Variants in SELENOI observed in about 807,000 individuals in gnomAD.
SELENOI encodes the protein selenoprotein I.
A neutral mutation model predicts 50.7 loss-of-function variants in SELENOI; 24 were observed. The ratio of observed to expected loss-of-function variants is 0.47; its 90% CI spans 0.34 to 0.67. The LOEUF (loss-of-function observed/expected upper bound fraction) is 0.67. SELENOI is among the 30% of genes least tolerant of loss of function. SELENOI has a pLI of 0.01. For synonymous variants in SELENOI, 155 were observed against 170.2 expected, an observed-to-expected ratio of 0.91 and a Z score of 0.70; for missense variants, 352 against 461.4, an observed-to-expected ratio of 0.76 and a Z score of 2.17.
At chr2:26,371,331 C>A (rs559161367) in intron 4 of SELENOI, among the ~76,000 whole-genome samples, 148 of 152,206 alleles carry the variant, frequency 9.7e-4, no homozygotes, top group Admixed American at 2.9e-3. Flanking sequence ...CTCCTCACAT[C>A]CCAGACGGGG....
chr2:26,371,335 G>C (rs1304421344), intron 4 of SELENOI, among the ~76,000 whole-genome samples: 2 of 151,914 alleles, frequency 1.3e-5, no homozygotes, highest in Non-Finnish European at 2.9e-5. Flanking sequence ...TCACATCCCA[G>C]ACGGGGCGGC....
In SELENOI at chr2:26,389,254, G is replaced by A; in HGVS notation, c.*151G>A. On this transcript the variant is annotated 3_prime_UTR_variant, in exon 10 of 10. Coordinates refer to ENST00000260585, the MANE Select transcript of SELENOI (RefSeq NM_033505.4). Reference sequence around the variant, plus strand: ...AATGATACATATAATCTGAACTTGGGAAATTTTGGACCTACTAACTCTAAG... The same window carrying A: ...AATGATACATATAATCTGAACTTGGAAAATTTTGGACCTACTAACTCTAAG... The A allele has an allele frequency of 1.6e-6, 1 of 616,412 alleles. No individual in the cohort carries two copies. Among genetic ancestry groups the A allele is most frequent in the Non-Finnish European group, 2.8e-6 (1 of 359,192 alleles). 38.2% of individuals were successfully genotyped at this position (616,412 alleles called of 1,614,324 possible).
Position 26,385,099 on chromosome 2 carries a change from T to C in SELENOI, c.872T>C (p.Val291Ala). The change falls in exon 8 of 10, where the codon GTA becomes GCA. Residue 291 changes from valine to alanine, a missense_variant. Coordinates refer to ENST00000260585, the MANE Select transcript of SELENOI (RefSeq NM_033505.4). ...GATATTTTAGAGCTACATCCTAGAG[T>C]ATTCTACTTTATGGTTGGAACAGCT... ...PSDILELHPR[V>A]FYFMVGTAFA... The C allele has an allele frequency of 6.2e-7, 1 of 1,605,616 alleles. No individual in the cohort carries two copies. The highest frequency in any genetic ancestry group is 8.5e-7 in the Non-Finnish European group (1 of 1,176,166).
At chr2:26,375,262 G>T in intron 6 of SELENOI, 114 bp downstream of exon 6, 1 of 640,388 alleles carries the variant, frequency 1.6e-6, no homozygotes, top group East Asian at 2.8e-5. Context: ...CCAGGAAGCA[G>T]AACAACCCTA....
At chr2:26,370,906 G>A (rs1269200352) in intron 4 of SELENOI, among the ~76,000 whole-genome samples, 28 of 92,114 alleles carry the variant, frequency 3.0e-4, no homozygotes, top group African/African-American at 9.5e-4. Context: ...CCTCCCGGAC[G>A]GGGCGGCTGG....
intron 8 of SELENOI, 81 bp from the exon 9 acceptor site, chr2:26,386,273 G>A (rs1677840095): frequency 6.0e-6 from 8 of 1,343,792 alleles, no homozygotes; most frequent in Admixed American, 4.2e-5. Context: ...CTTTTCAAAT[G>A]TTGGAAAGAC....
In SELENOI at chr2:26,384,945, A is replaced by ATCTTT; in HGVS notation, c.732-13_732-12insCTTTT. Reference sequence around the variant, plus strand: ...GTAATAATGTTCTTTATATTACTTGATTTTTTTTTCCAGAAGCTATAAAAA... The same window carrying ATCTTT: ...GTAATAATGTTCTTTATATTACTTGATCTTTTTTTTTTTTCCAGAAGCTATAAAAA... On this transcript the variant is annotated splice_polypyrimidine_tract_variant and intron_variant, in intron 7 of 9. Coordinates refer to ENST00000260585, the MANE Select transcript of SELENOI (RefSeq NM_033505.4). 6.4e-7 allele frequency: 1 copy of ATCTTT among 1,566,382 alleles called. No individual in the cohort carries two copies. The highest frequency in any genetic ancestry group is 1.8e-5 in the Admixed American group (1 of 55,870).
At chr2:26,370,085 A>C (rs1278628594) in intron 4 of SELENOI, among the ~76,000 whole-genome samples, 1 of 151,214 alleles carries the variant, frequency 6.6e-6, no homozygotes, top group African/African-American at 2.5e-5. Context: ...GCCTTCAAGC[A>C]TCTGTTTAAC....
At chr2:26,375,327 T>G (rs980680753) in intron 6 of SELENOI, among the ~76,000 whole-genome samples, 179 bp downstream of exon 6, 12 of 152,188 alleles carry the variant, frequency 7.9e-5, no homozygotes, top group Non-Finnish European at 1.2e-4. Flanking sequence ...TCCCTGTTTT[T>G]GGGGTTTTTT....
At chr2:26,356,135 C>CT (rs964631119) in intron 1 of SELENOI, among the ~76,000 whole-genome samples, 2 of 152,162 alleles carry the variant, frequency 1.3e-5, no homozygotes, top group African/African-American at 2.4e-5. Flanking sequence ...CTTCCCCCTA[C>CT]TTTTTTTGTA....
rs1187404975 is a variant in SELENOI at position 26,374,375 on chromosome 2, C to T, written c.574-665C>T. Among the ~76,000 whole-genome samples the T allele has an allele frequency of 3.9e-5, 6 of 152,088 alleles. 1 individual carries two copies. The highest frequency in any genetic ancestry group is 8.8e-5 in the Non-Finnish European group (6 of 68,030). ...CAGCTTTTTGTGTTGCCATTTTGCCCATTTGCACCTAAGTCTCCAGTAAAG... is the reference window on the plus strand; with the variant it reads ...CAGCTTTTTGTGTTGCCATTTTGCCTATTTGCACCTAAGTCTCCAGTAAAG... On this transcript the variant is annotated intron_variant, in intron 5 of 9. Transcript: ENST00000260585.
rs1677934200 is a variant in SELENOI at position 26,390,230 on chromosome 2, A to T, written c.*1127A>T. On this transcript the variant is annotated 3_prime_UTR_variant, in exon 10 of 10. Transcript: ENST00000260585. ...TCTGAGGTTTACTGACAAACATAAA[A>T]ATCCCTTTAATTGTAGTGTAGTTGT... The T allele has an allele frequency of 6.6e-6, 1 of 152,282 alleles. No individual in the cohort carries two copies. The highest frequency in any genetic ancestry group is 1.5e-5 in the Non-Finnish European group (1 of 67,980). 9.4% of individuals were successfully genotyped at this position (152,282 alleles called of 1,614,324 possible). A position where few individuals can be genotyped will look rare whatever the true frequency, so the allele number is the denominator to read the frequency against.
chr2:26,360,929 A>G (rs1368073580), intron 1 of SELENOI, among the ~76,000 whole-genome samples: 1 of 152,092 alleles, frequency 6.6e-6, no homozygotes, highest in African/African-American at 2.4e-5. Flanking sequence ...ACTGTAGACC[A>G]TCCTGGCCGG....
At chr2:26,350,961 C>G (rs936640709) in intron 1 of SELENOI, among the ~76,000 whole-genome samples, 4 of 152,030 alleles carry the variant, frequency 2.6e-5, no homozygotes, top group Non-Finnish European at 4.4e-5. Context: ...CCTAGCCTAC[C>G]TTAAATGTGC....
intron 1 of SELENOI, among the ~76,000 whole-genome samples, chr2:26,351,642 G>A (rs1676961326): frequency 6.6e-6 from 1 of 152,200 alleles, no homozygotes. Context: ...CATAATGGTG[G>A]AGTGGCAGGA....
intron 9 of SELENOI, 63 bp downstream of exon 9, chr2:26,386,599 C>A: frequency 1.5e-6 from 2 of 1,376,064 alleles, no homozygotes; most frequent in South Asian, 1.7e-5. Flanking sequence ...ATAAATGCCT[C>A]CGAGTAGAAA....
At chr2:26,383,004 A>G (rs1389617833) in intron 6 of SELENOI, among the ~76,000 whole-genome samples, 1 of 152,148 alleles carries the variant, frequency 6.6e-6, no homozygotes, top group Non-Finnish European at 1.5e-5. Context: ...TCTCTATTTT[A>G]TAAATAAGGA....
chr2:26,356,956 CCACA>C (rs147570982), intron 1 of SELENOI, among the ~76,000 whole-genome samples: 1 of 151,424 alleles, frequency 6.6e-6, no homozygotes, highest in South Asian at 2.1e-4. Context: ...ATCCCTACCT[CCACA>C]CACACACACA....
At chr2:26,376,045 A>G (rs1228300903) in intron 6 of SELENOI, among the ~76,000 whole-genome samples, 1 of 149,912 alleles carries the variant, frequency 6.7e-6, no homozygotes, top group Non-Finnish European at 1.5e-5. Flanking sequence ...CTATGATCGC[A>G]TGTGCCACTG....
Sources: gnomAD v4.1 joint callset for allele counts (sites outside exome capture counted in the v4.1 genomes callset) on GRCh38, gnomAD v4.1.1 for gene constraint, MANE v1.5 for transcripts, NCBI Gene and HGNC (gene_info 2026-07-23, HGNC 2026-07-21) for gene names.